Variants in PASD1 observed in about 807,000 individuals in gnomAD.
PASD1 encodes PAS domain containing repressor 1, also known as circadian clock protein PASD1.
In PASD1, 13 loss-of-function variants were observed where a neutral mutation model predicts 58.8. The ratio of observed to expected loss-of-function variants is 0.22; its 90% CI spans 0.14 to 0.35. The LOEUF (loss-of-function observed/expected upper bound fraction) is 0.35. Among genes scored for constraint, PASD1 ranks in the 10% least tolerant of loss-of-function variants. The pLI is 1.00. For missense variants in PASD1, 734 were observed against 568.3 expected, an observed-to-expected ratio of 1.29 and a Z score of -2.96; for synonymous variants, 236 against 216.7, an observed-to-expected ratio of 1.09 and a Z score of -0.78.
At chrX:151,655,188 A>C (rs946924696) in intron 9 of PASD1, among the ~76,000 whole-genome samples, 1 of 110,792 alleles carries the variant, frequency 9.0e-6, no homozygotes, top group Non-Finnish European at 1.9e-5. Flanking sequence ...TGAACTCATC[A>C]TTTTTTATGG....
At chrX:151,646,140 G>T (rs758783374) in intron 8 of PASD1, among the ~76,000 whole-genome samples, 9 of 111,060 alleles carry the variant, frequency 8.1e-5, no homozygotes, top group Non-Finnish European at 1.3e-4. Flanking sequence ...AAACTCCTGG[G>T]TTCAAGTGAT....
Position 151,671,726 on chromosome X carries a change from A to C in PASD1, c.1384A>C (p.Asn462His). Residue 462 changes from asparagine to histidine, a missense_variant, in exon 13 of 16, where the codon AAC becomes CAC. Physicochemically the swap from Asn to His is moderately conservative, Grantham distance 68. Transcript: ENST00000370357. The stretch of plus-strand genomic sequence containing the variant: ...GTGTTTCTGTGGTTTATCTTTATCC[A>C]ACTCTCTCAAAAACACTGGGGAGCT... ...VKCFCGLSLS[N>H]SLKNTGELQE... is the part of the protein sequence containing the mutation. The C allele has an allele frequency of 1.7e-6, 2 of 1,210,542 alleles. No individual in the cohort carries two copies. Among genetic ancestry groups the C allele is most frequent in the Non-Finnish European group, 2.2e-6 (2 of 894,474 alleles).
At chrX:151,666,526 C>A (rs1031293492) in intron 11 of PASD1, among the ~76,000 whole-genome samples, 2 of 106,831 alleles carry the variant, frequency 1.9e-5, no homozygotes, top group Non-Finnish European at 1.9e-5. Flanking sequence ...TAATGCTATC[C>A]CTCCCCACTC....
chrX:151,656,156 G>T (rs1415063654), intron 9 of PASD1, among the ~76,000 whole-genome samples: 1 of 111,502 alleles, frequency 9.0e-6, no homozygotes, highest in Non-Finnish European at 1.9e-5. Context: ...TCAAAGATCA[G>T]ATGGTTGTAG....
At chrX:151,659,587 C>T in intron 9 of PASD1, 126 bp from the exon 10 acceptor site, 2 of 640,189 alleles carry the variant, frequency 3.1e-6, no homozygotes, top group Non-Finnish European at 4.6e-6. Flanking sequence ...GTTAGGTTTT[C>T]AGTTGATTGC....
Position 151,664,295 on chromosome X carries a change from CCAGTGGATCCAGAGGACT to C in PASD1, c.1026_1043del (p.Pro343_Asp348del). 3.3e-6 allele frequency: 4 copies of C among 1,211,397 alleles called. No homozygotes were observed. Among genetic ancestry groups the C allele is most frequent in the South Asian group, 1.8e-5 (1 of 56,936 alleles). On this transcript the variant is annotated inframe_deletion, in exon 11 of 16. Transcript: ENST00000370357. ...GTTGGACCAGGCAGGCCTGATGGAT[CCAGTGGATCCAGAGGACT>C]CAGTGGACCTGGGGGCTGCTGGCGC...
intron 8 of PASD1, among the ~76,000 whole-genome samples, chrX:151,628,998 T>A (rs994921774): frequency 2.7e-5 from 3 of 112,147 alleles, no homozygotes; most frequent in African/African-American, 9.7e-5. Flanking sequence ...TGTTTGTCTG[T>A]TATTGGTGTA....
At chrX:151,585,033 G>A (rs2013146565) in intron 1 of PASD1, among the ~76,000 whole-genome samples, 1 of 111,857 alleles carries the variant, frequency 8.9e-6, no homozygotes, top group African/African-American at 3.3e-5. Context: ...CACAGTTCTA[G>A]ATGTTTTAGG....
At chrX:151,565,572 T>TG (rs554830868) in intron 1 of PASD1, among the ~76,000 whole-genome samples, 19 of 103,952 alleles carry the variant, frequency 1.8e-4, no homozygotes, top group African/African-American at 6.7e-4. Context: ...TTTTTTTTTT[T>TG]TTTTTGAGAC....
rs1193497857 is a variant in PASD1, at chrX:151,676,717, ATAAACAT to A, written c.*576_*582del. On this transcript the variant is annotated 3_prime_UTR_variant, in exon 16 of 16. Transcript: ENST00000370357. Reference sequence around the variant, plus strand: ...AAAATAATTATGGCTTCCTTGCTTAATAAACATTTTCGTTCACTGCAACTTTGTGAAT... The same window carrying A: ...AAAATAATTATGGCTTCCTTGCTTAATTTCGTTCACTGCAACTTTGTGAAT... 7.1e-5 allele frequency: 8 copies of A among 112,196 alleles called. No homozygotes were observed. The highest frequency in any genetic ancestry group is 2.6e-4 in the African/African-American group (8 of 30,822). 9.2% of individuals were successfully genotyped at this position (112,196 alleles called of 1,213,427 possible).
intron 8 of PASD1, among the ~76,000 whole-genome samples, chrX:151,634,587 T>C (rs1420496087): frequency 9.0e-6 from 1 of 111,437 alleles, no homozygotes; most frequent in Non-Finnish European, 1.9e-5. Context: ...CTTCCTTTGA[T>C]ATTCTTAACT....
chrX:151,578,721 A>T (rs1022642053), intron 1 of PASD1, among the ~76,000 whole-genome samples: 4 of 111,314 alleles, frequency 3.6e-5, no homozygotes, highest in Non-Finnish European at 7.5e-5. Context: ...TTTGCCAGAG[A>T]TTTCTCCCCT....
At chrX:151,602,468 G>T (rs2013430787) in intron 2 of PASD1, among the ~76,000 whole-genome samples, 1 of 111,002 alleles carries the variant, frequency 9.0e-6, no homozygotes, top group African/African-American at 3.3e-5. Flanking sequence ...GCCGAGGTGG[G>T]TGGATCACCT....
At chrX:151,663,724 G>A (rs2014338190) in intron 10 of PASD1, among the ~76,000 whole-genome samples, 2 of 112,141 alleles carry the variant, frequency 1.8e-5, no homozygotes, top group Admixed American at 9.4e-5. Context: ...ACCTCCCAGA[G>A]AACTTTGAGC....
intron 8 of PASD1, among the ~76,000 whole-genome samples, chrX:151,631,096 T>C (rs1449168993): frequency 1.8e-5 from 2 of 112,483 alleles, no homozygotes; most frequent in African/African-American, 6.5e-5. Flanking sequence ...GTTGCATGTA[T>C]TGGTAAGGCC....
At chrX:151,615,151 T>A (rs1378573926) in intron 4 of PASD1, among the ~76,000 whole-genome samples, 1 of 111,819 alleles carries the variant, frequency 8.9e-6, no homozygotes, top group Non-Finnish European at 1.9e-5. Flanking sequence ...ACCAAATTGG[T>A]CATTGGCTGA....
chrX:151,587,808 G>A (rs920097012), intron 1 of PASD1, among the ~76,000 whole-genome samples: 3 of 111,770 alleles, frequency 2.7e-5, no homozygotes, highest in Admixed American at 1.9e-4. Context: ...TGCATATTAC[G>A]TAATCCAGGG....
intron 8 of PASD1, among the ~76,000 whole-genome samples, chrX:151,643,420 C>T (rs1425244803): frequency 1.8e-5 from 2 of 110,906 alleles, no homozygotes; most frequent in East Asian, 2.8e-4. Context: ...GGTTAAGCTG[C>T]GGTGTGAATA....
intron 3 of PASD1, among the ~76,000 whole-genome samples, chrX:151,605,658 G>A (rs974742081): frequency 9.0e-6 from 1 of 111,304 alleles, no homozygotes; most frequent in African/African-American, 3.3e-5. Context: ...GAGTGCAGTT[G>A]TGTGATTGTG....
Sources: allele counts gnomAD v4.1 joint callset (sites outside exome capture counted in the v4.1 genomes callset), GRCh38; gene constraint gnomAD v4.1.1; transcripts MANE v1.5; gene names NCBI Gene and HGNC (gene_info 2026-07-23, HGNC 2026-07-21).